Variants in ZAR1L observed in about 807,000 individuals in gnomAD.
ZAR1L encodes the protein zygote arrest 1 like.
A neutral mutation model predicts 30.0 loss-of-function variants in ZAR1L; 16 were observed. The observed-to-expected ratio is 0.53, with a 90% CI of 0.36 to 0.81. The LOEUF is 0.81. Among genes scored for constraint, ZAR1L ranks in the 30% least tolerant of loss-of-function variants. ZAR1L has a pLI of 0.00. For synonymous variants in ZAR1L, 197 were observed against 166.8 expected (o/e 1.18, Z -1.40); for missense variants, 392 against 417.2 (o/e 0.94, Z 0.53).
intron 5 of ZAR1L, 59 bp from the exon 6 acceptor site, chr13:32,304,081 AC>A (rs1168414510): frequency 4.7e-6 from 7 of 1,504,120 alleles, no homozygotes; most frequent in Middle Eastern, 1.8e-4. Flanking sequence ...TTCAAATGTA[AC>A]CCTCAAATCA....
Position 32,303,832 on chromosome 13 carries a change from A to G in ZAR1L, c.*47T>C, listed in dbSNP as rs1386123227. The G allele has an allele frequency of 2.0e-6, 3 of 1,526,686 alleles. No homozygotes were observed. In the African/African-American group the frequency reaches 4.2e-5, roughly 21 times the overall value. The allele number at this position is 1,526,686 out of a possible 1,614,324, so 94.6% of individuals were successfully genotyped here. On this transcript the variant is annotated 3_prime_UTR_variant, in exon 6 of 6. Transcript: ENST00000533490. ...TGCAAAAAAGGAAGACAGCACAGTA[A>G]GTTACAAGAAGAGCTCAGGGGTCCA...
In ZAR1L at chr13:32,311,993, C is replaced by T. The variant is rs538708911; in HGVS notation, c.-68G>A. ...TTGTTTGGGTCCTTATTTTGCCTTC[C>T]TCCTTCATCCGCCCCTTCTTTCTCT... On this transcript the variant is annotated 5_prime_UTR_variant, in exon 3 of 6. Coordinates refer to ENST00000533490, the MANE Select transcript of ZAR1L (RefSeq NM_001136571.2). The T allele has an allele frequency of 1.6e-4, 228 of 1,440,332 alleles. No homozygotes were observed. The highest frequency in any genetic ancestry group is 2.0e-4 in the Non-Finnish European group (214 of 1,085,466). 89.2% of individuals were successfully genotyped at this position (1,440,332 alleles called of 1,614,324 possible). A position where few individuals can be genotyped will look rare whatever the true frequency, so the allele number is the denominator to read the frequency against.
At chr13:32,305,817 G>A (rs1468018391) in intron 5 of ZAR1L, among the ~76,000 whole-genome samples, 1 of 152,210 alleles carries the variant, frequency 6.6e-6, no homozygotes, top group Non-Finnish European at 1.5e-5. Context: ...ATAGGTGTGA[G>A]CTTGATGTCT....
At chr13:32,307,143 G>C (rs2072181813) in intron 5 of ZAR1L, among the ~76,000 whole-genome samples, 1 of 151,938 alleles carries the variant, frequency 6.6e-6, no homozygotes, top group Admixed American at 6.6e-5. Context: ...GGTAAAATAA[G>C]TATACAATAA....
At position 32,310,459 on chromosome 13, in the gene ZAR1L, G is replaced by A. The variant is rs114715369; in HGVS notation, c.747+180C>T. Among the ~76,000 whole-genome samples, 826 of 152,236 alleles carry A rather than the reference G, an allele frequency of 5.4e-3. 9 individuals carry two copies. The highest frequency in any genetic ancestry group is 0.019 in the African/African-American group (787 of 41,522). On this transcript the variant is annotated intron_variant, in intron 4 of 5. Coordinates refer to ENST00000533490, the MANE Select transcript of ZAR1L (RefSeq NM_001136571.2). ...GCCAGAGTATGGTTCGGAAACCCAG[G>A]TGGACAGTCCGATTCAGTTCCATTC...
intron 5 of ZAR1L, among the ~76,000 whole-genome samples, chr13:32,306,893 T>C (rs2072179307): frequency 8.0e-6 from 1 of 125,156 alleles, no homozygotes; most frequent in African/African-American, 3.2e-5. Context: ...ATCATGCCAC[T>C]GCACTCCAGC....
intron 5 of ZAR1L, 54 bp downstream of exon 5, chr13:32,308,632 G>T: frequency 7.7e-7 from 1 of 1,304,248 alleles, no homozygotes; most frequent in South Asian, 1.3e-5. Context: ...TTGTCACAGA[G>T]GCTTCATTTT....
rs1265720690 is a variant in ZAR1L at position 32,313,427 on chromosome 13, C to T, written c.-169+903G>A. On this transcript the variant is annotated intron_variant, in intron 2 of 5. Coordinates refer to ENST00000533490, the MANE Select transcript of ZAR1L (RefSeq NM_001136571.2). ...TGTCTCCCAGGCAGGAGTGCAGTGG[C>T]ATGATTTCGGCTCACTGCAACTTCC... 3.3e-5 allele frequency among the ~76,000 whole-genome samples: 5 copies of T among 152,190 alleles called. No individual in the cohort carries two copies. In the East Asian group the frequency reaches 9.6e-4, roughly 29 times the overall value.
chr13:32,313,924 CA>C (rs2072231563), intron 2 of ZAR1L, among the ~76,000 whole-genome samples: 1 of 152,132 alleles, frequency 6.6e-6, no homozygotes, highest in South Asian at 2.1e-4. Flanking sequence ...ACCCCTCCCC[CA>C]CAAAAAGGGG....
chr13:32,308,860 C>T, intron 4 of ZAR1L, 100 bp from the exon 5 acceptor site: 1 of 764,508 alleles, frequency 1.3e-6, no homozygotes, highest in Admixed American at 2.3e-5. Context: ...CTTGCTTTTA[C>T]CAACTTCTAC....
At chr13:32,304,169 C>G in intron 5 of ZAR1L, 147 bp from the exon 6 acceptor site, 1 of 720,316 alleles carries the variant, frequency 1.4e-6, no homozygotes, top group Non-Finnish European at 2.1e-6. Context: ...CCAAGTTGTA[C>G]AAAATTACTT....
In ZAR1L at chr13:32,303,907, T is replaced by C. The variant is rs1348077328; in HGVS notation, c.938A>G (p.Asn313Ser). Residue 313 changes from asparagine to serine, a missense_variant, in exon 6 of 6, where the codon AAT becomes AGT. By Grantham distance (46) the Asn-to-Ser change is conservative (BLOSUM62 1). Transcript: ENST00000533490. ...CATCACATATTTAAAGCTGTAAATA[T>C]TGCCACAGGAGAATCTCTTGTCTTT... ...RCKDKRFSCG[N>S]IYSFKYVM is the part of the protein sequence containing the mutation. The C allele has an allele frequency of 2.6e-6, 4 of 1,551,684 alleles. No individual in the cohort carries two copies. Among genetic ancestry groups the C allele is most frequent in the East Asian group, 2.4e-5 (1 of 40,928 alleles).
intron 5 of ZAR1L, among the ~76,000 whole-genome samples, 180 bp from the exon 6 acceptor site, chr13:32,304,202 T>C (rs534660072): frequency 1.3e-5 from 2 of 152,278 alleles, no homozygotes; most frequent in East Asian, 3.9e-4. Context: ...ATGTCAGATA[T>C]TTTTTCAAGA....
At chr13:32,307,329 T>A (rs2072182835) in intron 5 of ZAR1L, among the ~76,000 whole-genome samples, 1 of 151,660 alleles carries the variant, frequency 6.6e-6, no homozygotes, top group Non-Finnish European at 1.5e-5. Flanking sequence ...TGAAACCCTG[T>A]CTGTACTAAA....
chr13:32,311,951 C>T lies in ZAR1L; in HGVS notation c.-26G>A. 2.0e-6 allele frequency: 3 copies of T among 1,519,282 alleles called. No individual in the cohort carries two copies. The highest frequency in any genetic ancestry group is 2.7e-6 in the Non-Finnish European group (3 of 1,130,530). 94.1% of individuals were successfully genotyped at this position (1,519,282 alleles called of 1,614,324 possible). A position where few individuals can be genotyped will look rare whatever the true frequency, so the allele number is the denominator to read the frequency against. On this transcript the variant is annotated 5_prime_UTR_variant, in exon 3 of 6. An upstream open reading frame in the 5' UTR loses its in-frame stop. Transcript: ENST00000533490. ...CCGCTCTCAGGTGCTCAGGCGCAGT[C>T]TAATATCCTAGCCAGTTTGTTTGGG...
Position 32,311,849 on chromosome 13 carries a change from A to G in ZAR1L, c.77T>C (p.Leu26Pro), listed in dbSNP as rs1176338494. 6.4e-7 allele frequency: 1 copy of G among 1,551,752 alleles called. No homozygotes were observed. Among genetic ancestry groups the G allele is most frequent in the Non-Finnish European group, 8.7e-7 (1 of 1,147,012 alleles). ...CCAGTCGGGCTGTTTGTGCCCTGAG[A>G]GTCCAGGCTGGCCCAAAGGCACTGT... is the stretch of plus-strand genomic sequence containing the variant. The part of the protein sequence containing the change: ...GSTVPLGQPG[L>P]SGHKQPDWRQ... Residue 26 changes from leucine to proline, a missense_variant, in exon 3 of 6, where the codon CTC becomes CCC. By Grantham distance (98) the Leu-to-Pro change is moderately conservative. Transcript: ENST00000533490.
At chr13:32,308,592 C>T in intron 5 of ZAR1L, 94 bp downstream of exon 5, 1 of 872,800 alleles carries the variant, frequency 1.1e-6, no homozygotes. Context: ...ACTCACATAC[C>T]AATATCCAAC....
At chr13:32,310,597 G>T in intron 4 of ZAR1L, 42 bp downstream of exon 4, 1 of 1,314,838 alleles carries the variant, frequency 7.6e-7, no homozygotes, top group Non-Finnish European at 1.1e-6. Flanking sequence ...TACCATCCGT[G>T]CCCACCCCAT....
chr13:32,307,645 C>T (rs746268921), intron 5 of ZAR1L, among the ~76,000 whole-genome samples: 9 of 146,330 alleles, frequency 6.2e-5, no homozygotes, highest in Non-Finnish European at 9.0e-5. Flanking sequence ...AAAATTCAAG[C>T]GAACACAAGA....
Sources: gnomAD v4.1 joint callset for allele counts (sites outside exome capture counted in the v4.1 genomes callset) on GRCh38, gnomAD v4.1.1 for gene constraint, MANE v1.5 for transcripts, NCBI Gene and HGNC (gene_info 2026-07-23, HGNC 2026-07-21) for gene names.